TEX36: variants seen among roughly 807,000 people sequenced by gnomAD.
The protein encoded by TEX36 is testis expressed 36, also known as testis-expressed protein 36.
In TEX36, 12 loss-of-function variants were observed where a neutral mutation model predicts 13.6. The observed-to-expected ratio is 0.88, with a 90% CI of 0.56 to 1.43. The LOEUF (loss-of-function observed/expected upper bound fraction) is 1.43, where lower values mean the gene tolerates loss of function less well. TEX36 is among the 40% of genes most tolerant of loss of function. The pLI, the probability that TEX36 is intolerant of heterozygous loss-of-function variation, is 0.00. For missense variants in TEX36, 224 were observed against 228.3 expected, an observed-to-expected ratio of 0.98 and a Z score of 0.12; for synonymous variants, 93 against 83.0, an observed-to-expected ratio of 1.12 and a Z score of -0.65.
chr10:125,603,052 G>GGCTC (rs1846168657), intron 3 of TEX36, among the ~76,000 whole-genome samples: 1 of 152,184 alleles, frequency 6.6e-6, no homozygotes, highest in Non-Finnish European at 1.5e-5. Flanking sequence ...AGGTGAACAC[G>GGCTC]GCTCCCAAGG....
chr10:125,621,733 G>A (rs1378637002), intron 3 of TEX36: 6 of 447,812 alleles, frequency 1.3e-5, no homozygotes, highest in Admixed American at 9.7e-5. Context: ...TCCATCTGTG[G>A]CCAAAGGCCC....
At chr10:125,627,602 AAG>A (rs1846503549) in intron 3 of TEX36, among the ~76,000 whole-genome samples, 1 of 152,284 alleles carries the variant, frequency 6.6e-6, no homozygotes, top group Admixed American at 6.5e-5. Flanking sequence ...TTTTAATAAA[AAG>A]AGTGAAACAA....
chr10:125,613,031 G>C (rs1846309277), intron 3 of TEX36, among the ~76,000 whole-genome samples: 1 of 152,058 alleles, frequency 6.6e-6, no homozygotes, highest in East Asian at 1.9e-4. Flanking sequence ...GAAGTCCAGT[G>C]TTCCAGCTGA....
At chr10:125,676,956 A>G (rs1847322851) in intron 1 of TEX36, among the ~76,000 whole-genome samples, 1 of 152,210 alleles carries the variant, frequency 6.6e-6, no homozygotes, top group Non-Finnish European at 1.5e-5. Flanking sequence ...TCAGTTGTAA[A>G]GGAGAGCTTT....
chr10:125,648,782 A>G, intron 3 of TEX36, among the ~76,000 whole-genome samples: 1 of 152,206 alleles, frequency 6.6e-6, no homozygotes, highest in East Asian at 1.9e-4. Flanking sequence ...TGAAAGGCTA[A>G]CTAGATTTAA....
intron 3 of TEX36, among the ~76,000 whole-genome samples, chr10:125,579,783 C>T (rs1385235121): frequency 2.0e-5 from 3 of 152,086 alleles, no homozygotes; most frequent in Non-Finnish European, 4.4e-5. Flanking sequence ...CCATGTAAGA[C>T]ATGCCTGCTT....
At chr10:125,612,883 A>C (rs1203298258) in intron 3 of TEX36, among the ~76,000 whole-genome samples, 1 of 151,496 alleles carries the variant, frequency 6.6e-6, no homozygotes, top group African/African-American at 2.4e-5. Flanking sequence ...TTTTTTTTCA[A>C]TTACAAATTT....
At chr10:125,576,856 C>A in exon 4 of TEX36, 3 of 1,536,076 alleles carry the variant, frequency 2.0e-6, no homozygotes, top group Non-Finnish European at 2.6e-6. Flanking sequence ...CCCTGTGGGT[C>A]CGTTGCTGTC....
rs114852871 is a variant in TEX36, at chr10:125,601,535, A to G, written c.265-24661T>C. On this transcript the variant is annotated intron_variant, in intron 3 of 3. Coordinates refer to the TEX36 transcript ENST00000532135. ...ATATTAGCTAGACATTAGCTGTAGC[A>G]TGTGAATCATGACACTTGTTTCTGG... Among the ~76,000 whole-genome samples the G allele has an allele frequency of 5.9e-3, 906 of 152,356 alleles. 7 individuals are homozygous for G. The highest frequency in any genetic ancestry group is 0.021 in the African/African-American group (868 of 41,592).
At chr10:125,606,094 C>T (rs565719084) in intron 3 of TEX36, among the ~76,000 whole-genome samples, 2 of 152,302 alleles carry the variant, frequency 1.3e-5, no homozygotes, top group African/African-American at 4.8e-5. Context: ...TATCTGAAGA[C>T]ATTCTTAGAC....
downstream of TEX36, among the ~76,000 whole-genome samples, chr10:125,617,495 C>T (rs562546043): frequency 8.7e-3 from 1,318 of 152,322 alleles, 8 homozygotes; most frequent in Middle Eastern, 0.027. Flanking sequence ...GTGACAAAAT[C>T]TCTCAGCATT....
intron 3 of TEX36, among the ~76,000 whole-genome samples, chr10:125,588,896 G>A (rs984138551): frequency 3.3e-5 from 5 of 152,160 alleles, no homozygotes; most frequent in Non-Finnish European, 5.9e-5. Context: ...GATTGCAGGC[G>A]TGAGCCACGG....
chr10:125,655,922 A>T lies in TEX36; in HGVS notation c.539T>A (p.Val180Asp). The change falls in exon 4 of 4, where the codon GTT becomes GAT. Residue 180 changes from valine to aspartate, a missense_variant. Transcript: ENST00000368821. ...GGATTAGGACTCCAGTGAAGAAACA[A>T]CCTTTTTGTCAACAGTGAACCTTAC... is the stretch of plus-strand genomic sequence containing the variant. Reference protein sequence around the residue: ...PKVRFTVDKKVVSSLES With the variant: ...PKVRFTVDKKDVSSLES 1.3e-6 allele frequency: 2 copies of T among 1,530,604 alleles called. No homozygotes were observed. The highest frequency in any genetic ancestry group is 1.8e-6 in the Non-Finnish European group (2 of 1,136,888). 94.8% of individuals were successfully genotyped at this position (1,530,604 alleles called of 1,614,324 possible).
chr10:125,669,150 G>A (rs552855711), intron 1 of TEX36, among the ~76,000 whole-genome samples: 2 of 152,296 alleles, frequency 1.3e-5, no homozygotes, highest in Admixed American at 6.5e-5. Flanking sequence ...AATTAGCTGG[G>A]TGTGATGGTG....
chr10:125,585,182 G>A (rs1589740390), intron 3 of TEX36, among the ~76,000 whole-genome samples: 1 of 152,294 alleles, frequency 6.6e-6, no homozygotes, highest in East Asian at 1.9e-4. Flanking sequence ...AGACATAGCA[G>A]GTCAGTCATC....
At chr10:125,649,947 C>G (rs1464036858) in intron 3 of TEX36, among the ~76,000 whole-genome samples, 6 of 152,186 alleles carry the variant, frequency 3.9e-5, no homozygotes, top group Admixed American at 3.3e-4. Context: ...GAAGAGCTAA[C>G]TATCCTAAAT....
intron 3 of TEX36, among the ~76,000 whole-genome samples, chr10:125,614,479 C>A (rs1471902413): frequency 6.6e-6 from 1 of 151,014 alleles, no homozygotes; most frequent in African/African-American, 2.4e-5. Flanking sequence ...GGAAGGGATC[C>A]AGTTTCAGCT....
intron 3 of TEX36, among the ~76,000 whole-genome samples, chr10:125,613,080 C>A (rs1020800777): frequency 1.3e-5 from 2 of 151,846 alleles, no homozygotes; most frequent in Non-Finnish European, 2.9e-5. Flanking sequence ...AGACTGAGAG[C>A]AGAACAGTAG....
At chr10:125,612,753 G>T (rs535048409) in intron 3 of TEX36, among the ~76,000 whole-genome samples, 1 of 151,246 alleles carries the variant, frequency 6.6e-6, no homozygotes, top group East Asian at 1.9e-4. Context: ...GTGCATCTTT[G>T]ATTTGTTTAT....
Sources: allele counts gnomAD v4.1 joint callset (sites outside exome capture counted in the v4.1 genomes callset), GRCh38; gene constraint gnomAD v4.1.1; transcripts MANE v1.5; gene names NCBI Gene and HGNC (gene_info 2026-07-23, HGNC 2026-07-21).